The following EHHADH variants were observed in gnomAD, a reference collection of about 807,000 sequenced individuals.
The protein encoded by EHHADH is enoyl-CoA hydratase and 3-hydroxyacyl CoA dehydrogenase.
A neutral mutation model predicts 64.4 loss-of-function variants in EHHADH; 48 were observed. That is an observed-to-expected ratio of 0.75 (90% CI 0.59 to 0.95). The LOEUF is 0.95. Among genes scored for constraint, EHHADH ranks in the 40% least tolerant of loss-of-function variants. The pLI is 0.00. For missense variants in EHHADH, 854 were observed against 876.6 expected, an observed-to-expected ratio of 0.97 and a Z score of 0.33; for synonymous variants, 308 against 326.7, an observed-to-expected ratio of 0.94 and a Z score of 0.62.
intron 1 of EHHADH, among the ~76,000 whole-genome samples, chr3:185,252,659 T>C (rs553592915): frequency 5.9e-5 from 9 of 152,338 alleles, no homozygotes; most frequent in African/African-American, 1.7e-4. Flanking sequence ...TATGTGATTT[T>C]AGTCCTGCAT....
intron 4 of EHHADH, among the ~76,000 whole-genome samples, chr3:185,229,210 G>A (rs1158901060): frequency 3.3e-5 from 5 of 152,194 alleles, no homozygotes; most frequent in Non-Finnish European, 7.3e-5. Context: ...CTCTTTGCAT[G>A]CACTTTCATT....
intron 4 of EHHADH, among the ~76,000 whole-genome samples, chr3:185,228,305 A>AG (rs1333546818): frequency 8.3e-6 from 1 of 120,836 alleles, no homozygotes; most frequent in Non-Finnish European, 1.8e-5. Flanking sequence ...GAGAGAGAGA[A>AG]AGAGAGTAAA....
At chr3:185,236,287 C>T (rs903371158) in intron 2 of EHHADH, among the ~76,000 whole-genome samples, 1 of 152,068 alleles carries the variant, frequency 6.6e-6, no homozygotes, top group Middle Eastern at 3.2e-3. Flanking sequence ...AGTGAGGGAT[C>T]TAGGTTGCGC....
At chr3:185,230,313 C>T (rs1454299885) in intron 3 of EHHADH, among the ~76,000 whole-genome samples, 1 of 152,154 alleles carries the variant, frequency 6.6e-6, no homozygotes, top group Admixed American at 6.6e-5. Flanking sequence ...CAAATCCATT[C>T]CTGGGTATAT....
At chr3:185,198,408 A>G (rs1489929310) in intron 6 of EHHADH, among the ~76,000 whole-genome samples, 1 of 151,012 alleles carries the variant, frequency 6.6e-6, no homozygotes, top group Non-Finnish European at 1.5e-5. Flanking sequence ...TTTAGTAGAG[A>G]CAGGGTTTCA....
At position 185,198,874 on chromosome 3, in the gene EHHADH, A is replaced by G. The variant is rs577742702; in HGVS notation, c.911-5387T>C. On this transcript the variant is annotated intron_variant, in intron 6 of 6. Coordinates refer to ENST00000231887, the MANE Select transcript of EHHADH (RefSeq NM_001966.4). ...TCAAAAAAAAAAAATTTAAAAAAAG[A>G]TACATACATAAATAAAAAGGTGAAT... Among the ~76,000 whole-genome samples, 7 of 152,224 alleles carry G rather than the reference A, an allele frequency of 4.6e-5. 1 individual carries two copies. The highest frequency in any genetic ancestry group is 1.7e-4 in the African/African-American group (7 of 41,548).
At position 185,190,992 on chromosome 3, in the gene EHHADH, T is replaced by C. The variant is rs1267190837; in HGVS notation, c.*1234A>G. On this transcript the variant is annotated 3_prime_UTR_variant, in exon 7 of 7. Transcript: ENST00000231887. ...ATACAACTCAATGGTTTTTAATATA[T>C]TGTTATGTGACCATTACCACAATAA... 6.6e-6 allele frequency: 1 copy of C among 152,246 alleles called. No individual in the cohort carries two copies. The highest frequency in any genetic ancestry group is 1.5e-5 in the Non-Finnish European group (1 of 68,046). The allele number at this position is 152,246 out of a possible 1,614,324, so 9.4% of individuals were successfully genotyped here. A position where few individuals can be genotyped will look rare whatever the true frequency, so the allele number is the denominator to read the frequency against.
chr3:185,193,386 T>C lies in EHHADH; in HGVS notation c.1012A>G (p.Lys338Glu), dbSNP rs1048779807. Residue 338 changes from lysine to glutamate, a missense_variant, in exon 7 of 7, where the codon AAG becomes GAG. By Grantham distance (56) the Lys-to-Glu change is moderately conservative. Transcript: ENST00000231887. ...SDKNQLATAN[K>E]MITSVLEKEA... ...TTTTCCAAGACAGAGGTTATCATCT[T>C]GTTTGCAGTTGCTAGCTGGTTTTTG... 3.7e-6 allele frequency: 6 copies of C among 1,614,110 alleles called. No individual in the cohort carries two copies. The highest frequency in any genetic ancestry group is 5.1e-6 in the Non-Finnish European group (6 of 1,180,044).
intron 4 of EHHADH, among the ~76,000 whole-genome samples, chr3:185,221,249 T>C (rs2108639064): frequency 6.6e-6 from 1 of 152,342 alleles, no homozygotes; most frequent in Non-Finnish European, 1.5e-5. Context: ...TACACTATTA[T>C]GATTTCCTCC....
At position 185,192,974 on chromosome 3, in the gene EHHADH, T is replaced by C; in HGVS notation, c.1424A>G (p.Asn475Ser). Residue 475 changes from asparagine to serine, a missense_variant, in exon 7 of 7, where the codon AAC becomes AGC. Coordinates refer to ENST00000231887, the MANE Select transcript of EHHADH (RefSeq NM_001966.4). Reference protein sequence around the residue: ...KIKKIGVVVGNCFGFVGNRML... With the variant: ...KIKKIGVVVGSCFGFVGNRML... The stretch of plus-strand genomic sequence containing the variant: ...TCGATTCCCCACAAATCCAAAACAG[T>C]TGCCTACAACGACTCCAATCTTTTT... 2 of 1,614,206 alleles carry C rather than the reference T, an allele frequency of 1.2e-6. No individual in the cohort carries two copies. The highest frequency in any genetic ancestry group is 8.5e-7 in the Non-Finnish European group (1 of 1,180,042).
At chr3:185,241,505 A>C (rs1489076690) in intron 2 of EHHADH, among the ~76,000 whole-genome samples, 1 of 152,142 alleles carries the variant, frequency 6.6e-6, no homozygotes, top group Admixed American at 6.5e-5. Flanking sequence ...TTGCGGGAGT[A>C]AGGTGGTATC....
chr3:185,245,586 T>C (rs1193203202), intron 2 of EHHADH: 1 of 768,104 alleles, frequency 1.3e-6, no homozygotes, highest in Non-Finnish European at 2.3e-6. Context: ...TGCATGTCCT[T>C]CTGCAGGATT....
At chr3:185,235,539 A>G in intron 2 of EHHADH, 77 bp from the exon 3 acceptor site, 1 of 1,177,332 alleles carries the variant, frequency 8.5e-7, no homozygotes, top group Non-Finnish European at 1.1e-6. Context: ...GTTACCTGAT[A>G]CTCTTTAAAA....
intron 2 of EHHADH, among the ~76,000 whole-genome samples, chr3:185,242,005 T>G (rs936616992): frequency 1.3e-5 from 2 of 152,202 alleles, no homozygotes; most frequent in Non-Finnish European, 2.9e-5. Flanking sequence ...AATTTCATTC[T>G]CCTACATGTG....
chr3:185,229,349 A>T, intron 4 of EHHADH, 83 bp downstream of exon 4: 2 of 712,990 alleles, frequency 2.8e-6, no homozygotes, highest in Non-Finnish European at 4.1e-6. Context: ...CATAGGGAGT[A>T]GGTGGTCAAG....
At chr3:185,211,819 T>C (rs867552387) in intron 5 of EHHADH, among the ~76,000 whole-genome samples, 15 of 152,116 alleles carry the variant, frequency 9.9e-5, no homozygotes, top group African/African-American at 3.1e-4. Context: ...GAAGATAAAA[T>C]GAAGAGAAAG....
rs1452651723 is a variant in EHHADH, at chr3:185,194,597, A to T, written c.911-1110T>A. Reference sequence around the variant, plus strand: ...ATTGCACTCCAGCCTGGGCAACAAGATTGAAACTCTGTAACAACAACAACA... The same window carrying T: ...ATTGCACTCCAGCCTGGGCAACAAGTTTGAAACTCTGTAACAACAACAACA... On this transcript the variant is annotated intron_variant, in intron 6 of 6. Coordinates refer to ENST00000231887, the MANE Select transcript of EHHADH (RefSeq NM_001966.4). Among the ~76,000 whole-genome samples, 4 of 147,402 alleles carry T rather than the reference A, an allele frequency of 2.7e-5. No individual in the cohort carries two copies. The Admixed American group carries it at 2.7e-4, about 10-fold the overall frequency.
chr3:185,237,367 T>A (rs1207409626), intron 2 of EHHADH, among the ~76,000 whole-genome samples: 2 of 152,202 alleles, frequency 1.3e-5, no homozygotes, highest in African/African-American at 4.8e-5. Context: ...TTTTACTAGC[T>A]TTACTGGTTT....
At chr3:185,240,639 G>T (rs1421334133) in intron 2 of EHHADH, among the ~76,000 whole-genome samples, 1 of 151,446 alleles carries the variant, frequency 6.6e-6, no homozygotes, top group Non-Finnish European at 1.5e-5. Flanking sequence ...ATTTCTAATT[G>T]TGTTTATTTG....
Sources: gnomAD v4.1 joint callset for allele counts (sites outside exome capture counted in the v4.1 genomes callset) on GRCh38, gnomAD v4.1.1 for gene constraint, MANE v1.5 for transcripts, NCBI Gene and HGNC (gene_info 2026-07-23, HGNC 2026-07-21) for gene names.